SLC16A5: variants seen among roughly 807,000 people sequenced by gnomAD.
SLC16A5 encodes the protein monocarboxylate transporter 6.
Under a neutral mutation model 33.2 loss-of-function variants are expected in SLC16A5, and 29 were observed. That is an observed-to-expected ratio of 0.87 (90% CI 0.65 to 1.19). The LOEUF (loss-of-function observed/expected upper bound fraction) is 1.19. Ranked by LOEUF, SLC16A5 falls within the 50% of genes most tolerant of loss-of-function variation. The pLI, the probability that SLC16A5 is intolerant of heterozygous loss-of-function variation, is 0.00. For missense variants in SLC16A5, 606 were observed against 678.2 expected (o/e 0.89, Z 1.18); for synonymous variants, 248 against 284.1 (o/e 0.87, Z 1.28).
At chr17:75,092,114 ACT>A (rs887924754) in intron 2 of SLC16A5, among the ~76,000 whole-genome samples, 12 of 148,850 alleles carry the variant, frequency 8.1e-5, no homozygotes, top group African/African-American at 3.0e-4. Context: ...AGCATGTGTG[ACT>A]CTGAGCATGT....
intron 4 of SLC16A5, 99 bp from the exon 5 acceptor site, chr17:75,099,908 G>C (rs2145048867): frequency 1.8e-6 from 2 of 1,134,846 alleles, no homozygotes; most frequent in African/African-American, 3.1e-5. Flanking sequence ...ACTAGAACCA[G>C]AGGAGGGCAG....
chr17:75,092,621 G>A (rs770170103), intron 2 of SLC16A5, among the ~76,000 whole-genome samples: 1 of 152,038 alleles, frequency 6.6e-6, no homozygotes, highest in African/African-American at 2.4e-5. Context: ...CATCGTGCCC[G>A]GCCAAGTGTG....
intron 6 of SLC16A5, chr17:75,104,642 GT>G: frequency 5.1e-6 from 3 of 584,620 alleles, no homozygotes; most frequent in Non-Finnish European, 6.5e-6. Flanking sequence ...TAGAGATGGG[GT>G]TTCTCTATGT....
rs772283829 is a variant in SLC16A5 at position 75,105,979 on chromosome 17, A to G, written c.1464A>G (p.Pro488=). 6.2e-7 allele frequency: 1 copy of G among 1,610,120 alleles called. No individual in the cohort carries two copies. The highest frequency in any genetic ancestry group is 8.5e-7 in the Non-Finnish European group (1 of 1,177,598). ...SRTSHEWLLW[P]KAVLQAKQTA... is the part of the protein sequence containing the mutation. ...CCAGCCATGAGTGGCTCTTATGGCC[A>G]AAGGCGGTACTGCAGGCCAAGCAAA... The change falls in exon 7 of 7, where the codon CCA becomes CCG. Residue 488 remains proline, a synonymous_variant. Coordinates refer to ENST00000329783, the MANE Select transcript of SLC16A5 (RefSeq NM_004695.4).
intron 3 of SLC16A5, 95 bp downstream of exon 3, chr17:75,093,930 C>T: frequency 6.7e-7 from 1 of 1,485,396 alleles, no homozygotes; most frequent in Non-Finnish European, 9.0e-7. Flanking sequence ...TCTGAGGCCA[C>T]AGGCTTTGCC....
intron 2 of SLC16A5, chr17:75,093,301 C>G (rs2073667164): frequency 1.1e-6 from 1 of 940,444 alleles, no homozygotes; most frequent in South Asian, 1.5e-5. Context: ...ACAATTGTAC[C>G]CCATTGCCTG....
At position 75,105,943 on chromosome 17, in the gene SLC16A5, C is replaced by G. The variant is rs2073857664; in HGVS notation, c.1428C>G (p.Ala476=). ...ATAAGCATCTTTGGGGATGTCCTGC[C>G]TCCTCCAGGACCAGCCATGAGTGGC... ...GVNKHLWGCP[A]SSRTSHEWLL... The change falls in exon 7 of 7, where the codon GCC becomes GCG. Residue 476 remains alanine (A), a synonymous_variant. Coordinates refer to ENST00000329783, the MANE Select transcript of SLC16A5 (RefSeq NM_004695.4). 1.2e-6 allele frequency: 2 copies of G among 1,612,104 alleles called. No homozygotes were observed. The highest frequency in any genetic ancestry group is 1.7e-6 in the Non-Finnish European group (2 of 1,178,846).
chr17:75,092,248 T>A (rs1345256648), intron 2 of SLC16A5, among the ~76,000 whole-genome samples: 3 of 152,100 alleles, frequency 2.0e-5, no homozygotes, highest in African/African-American at 7.2e-5. Context: ...GTTTGCATTG[T>A]GTGTGACGGT....
At chr17:75,101,254 G>GAA (rs879927740) in intron 5 of SLC16A5, among the ~76,000 whole-genome samples, 1 of 109,688 alleles carries the variant, frequency 9.1e-6, no homozygotes, top group Non-Finnish European at 1.9e-5. Flanking sequence ...GCCTCAAAAA[G>GAA]AAAAAAAAAA....
intron 1 of SLC16A5, chr17:75,088,793 A>C (rs1288600160): frequency 6.6e-6 from 1 of 152,206 alleles, no homozygotes; most frequent in Non-Finnish European, 1.5e-5. Flanking sequence ...CCTGGATGAG[A>C]GCATCCGCTC....
At chr17:75,105,595 C>A in intron 6 of SLC16A5, 1 of 985,370 alleles carries the variant, frequency 1.0e-6, no homozygotes, top group Non-Finnish European at 1.2e-6. Flanking sequence ...CCTGAAGTCA[C>A]CACCCAGGGG....
downstream of SLC16A5, among the ~76,000 whole-genome samples, chr17:75,109,196 A>G (rs2073886757): frequency 6.6e-6 from 1 of 152,112 alleles, no homozygotes; most frequent in African/African-American, 2.4e-5. The surrounding 1 kb of genome is among the most constrained non-coding windows in gnomAD (Gnocchi z 5.0). Context: ...GAAAGCCCCG[A>G]AAGCGCCACA....
intron 5 of SLC16A5, among the ~76,000 whole-genome samples, chr17:75,101,534 C>T (rs2073799211): frequency 7.5e-6 from 1 of 133,478 alleles, no homozygotes; most frequent in African/African-American, 2.8e-5. Flanking sequence ...TGCACTCCAG[C>T]CTGGGTGACA....
upstream of SLC16A5, chr17:75,087,758 A>C (rs2073587015): frequency 6.6e-6 from 1 of 152,384 alleles, no homozygotes; most frequent in Non-Finnish European, 1.5e-5. Flanking sequence ...CGGGTTGTGC[A>C]AATTTCAGAC....
At chr17:75,096,129 AC>A (rs2145022438) in intron 3 of SLC16A5, among the ~76,000 whole-genome samples, 1 of 151,940 alleles carries the variant, frequency 6.6e-6, no homozygotes, top group African/African-American at 2.4e-5. Context: ...ATTTTTAAAC[AC>A]GATGAATCAT....
At chr17:75,094,656 A>G (rs1268074262) in intron 3 of SLC16A5, among the ~76,000 whole-genome samples, 10 of 148,984 alleles carry the variant, frequency 6.7e-5, no homozygotes, top group African/African-American at 2.5e-4. Context: ...ATTGCACTCC[A>G]GCCTGGGCAA....
intron 2 of SLC16A5, 156 bp from the exon 3 acceptor site, chr17:75,093,430 CGTG>C (rs768320990): frequency 3.9e-6 from 6 of 1,535,816 alleles, no homozygotes. Flanking sequence ...AAGGCCAACG[CGTG>C]GGCCTCTGGC....
At chr17:75,108,871 CAG>C (rs1270362585), downstream of SLC16A5, among the ~76,000 whole-genome samples, 24 of 152,258 alleles carry the variant, frequency 1.6e-4, no homozygotes, top group African/African-American at 3.6e-4. Flanking sequence ...GTGGTTTTTG[CAG>C]AGTCTTTGTG....
chr17:75,099,123 G>A (rs2073756933), intron 4 of SLC16A5, among the ~76,000 whole-genome samples: 1 of 152,224 alleles, frequency 6.6e-6, no homozygotes, highest in Non-Finnish European at 1.5e-5. Flanking sequence ...CCTCTGGAGA[G>A]GTGGCGTCTG....
Sources: gnomAD v4.1 joint callset for allele counts (sites outside exome capture counted in the v4.1 genomes callset) on GRCh38, gnomAD v4.1.1 for gene constraint, Gnocchi (gnomAD v3.1) non-coding constraint, MANE v1.5 for transcripts, NCBI Gene and HGNC (gene_info 2026-07-23, HGNC 2026-07-21) for gene names.